MCM4: variants seen among roughly 807,000 people sequenced by gnomAD.
MCM4 encodes DNA replication licensing factor MCM4.
A neutral mutation model predicts 88.7 loss-of-function variants in MCM4; 60 were observed. That is an observed-to-expected ratio of 0.68 (90% CI 0.55 to 0.84). The LOEUF (loss-of-function observed/expected upper bound fraction) is 0.84. Among genes scored for constraint, MCM4 ranks in the 40% least tolerant of loss-of-function variants. MCM4 has a pLI of 0.00. For synonymous variants in MCM4, 465 were observed against 410.5 expected, an observed-to-expected ratio of 1.13 and a Z score of -1.61; for missense variants, 1,149 against 1,105.5, an observed-to-expected ratio of 1.04 and a Z score of -0.56.
In MCM4 at chr8:47,960,973, C is replaced by G; in HGVS notation, c.-56C>G. 1 of 627,838 alleles carries G rather than the reference C, an allele frequency of 1.6e-6. No homozygotes were observed. Among genetic ancestry groups the G allele is most frequent in the Non-Finnish European group, 2.5e-6 (1 of 400,552 alleles). 38.9% of individuals were successfully genotyped at this position (627,838 alleles called of 1,614,324 possible). On this transcript the variant is annotated 5_prime_UTR_variant, in exon 1 of 17. Transcript: ENST00000649973. ...GGGAGCGCTACTCGCCAGGTGGACT[C>G]GGAGTCCGCGAGCGTCGTCGGCAAG...
At chr8:47,971,161 G>T (rs1161409530) in intron 12 of MCM4, among the ~76,000 whole-genome samples, 180 bp from the exon 13 acceptor site, 1 of 152,166 alleles carries the variant, frequency 6.6e-6, no homozygotes, top group African/African-American at 2.4e-5. Context: ...TCAGTCCTTG[G>T]CATGAATCTG....
At chr8:47,968,676 C>G (rs923526662) in intron 10 of MCM4, among the ~76,000 whole-genome samples, 2 of 152,162 alleles carry the variant, frequency 1.3e-5, no homozygotes, top group East Asian at 3.8e-4. Flanking sequence ...TGTGTGTAAA[C>G]TGGTTTGTTG....
rs2091013071 is a variant in MCM4, at chr8:47,977,729, GATT to G, written c.*953_*955del. 1 of 152,086 alleles carries G rather than the reference GATT, an allele frequency of 6.6e-6. No individual in the cohort carries two copies. Among genetic ancestry groups the G allele is most frequent in the African/African-American group, 2.4e-5 (1 of 41,400 alleles). The allele number at this position is 152,086 out of a possible 1,614,324, so 9.4% of individuals were successfully genotyped here. ...CCACCTCAACTTCCGGAAGTGCTGA[GATT>G]ACAGGTGTGAGCCACTGCACCCAGC... On this transcript the variant is annotated 3_prime_UTR_variant, in exon 17 of 17. Coordinates refer to ENST00000649973, the MANE Select transcript of MCM4 (RefSeq NM_182746.3).
intron 3 of MCM4, 178 bp from the exon 4 acceptor site, chr8:47,961,875 G>A: frequency 1.1e-6 from 1 of 900,794 alleles, no homozygotes. Flanking sequence ...AGCAGAGGAA[G>A]CAGCTTCTCT....
intron 2 of MCM4, 36 bp downstream of exon 2, chr8:47,961,250 G>A (rs938925784): frequency 1.4e-6 from 2 of 1,458,856 alleles, no homozygotes; most frequent in South Asian, 2.7e-5. Context: ...ACAGCCCCCG[G>A]CGCCGCCCCG....
intron 14 of MCM4, chr8:47,973,920 G>A (rs1292214641): frequency 6.6e-6 from 1 of 152,206 alleles, no homozygotes; most frequent in Non-Finnish European, 1.5e-5. Flanking sequence ...GTACTTACAA[G>A]CATAGTGAAT....
At position 47,970,827 on chromosome 8, in the gene MCM4, G is replaced by A; in HGVS notation, c.1751G>A (p.Arg584Lys). The change falls in exon 12 of 17, where the codon AGA becomes AAA. Residue 584 changes from arginine (R) to lysine (K), a missense_variant. This residue lies in a region of MCM4 where 906 missense variants were observed against 843.0 expected (regional missense o/e 1.07). Transcript: ENST00000649973. ...DEFDKMNEST[R>K]SVLHEVMEQQ... ...TTCGACAAGATGAATGAAAGTACAA[G>A]ATCGGTATTGCATGAAGTCATGGAA... The A allele has an allele frequency of 6.2e-7, 1 of 1,612,432 alleles. No homozygotes were observed. The highest frequency in any genetic ancestry group is 1.3e-5 in the African/African-American group (1 of 75,004).
At chr8:47,965,189 T>G (rs2090887832) in intron 8 of MCM4, among the ~76,000 whole-genome samples, 1 of 150,510 alleles carries the variant, frequency 6.6e-6, no homozygotes, top group East Asian at 1.9e-4. Flanking sequence ...CACTCCAGCC[T>G]GGGTGACAGA....
At chr8:47,962,500 A>G (rs984874504) in intron 5 of MCM4, 94 bp downstream of exon 5, 4 of 1,289,920 alleles carry the variant, frequency 3.1e-6, no homozygotes, top group Non-Finnish European at 4.4e-6. Flanking sequence ...AATGACTAGA[A>G]GGGCCACCTG....
chr8:47,972,910 G>A lies in MCM4; in HGVS notation c.1982G>A (p.Arg661His), dbSNP rs781710882. The A allele has an allele frequency of 3.1e-5, 50 of 1,614,032 alleles. No individual in the cohort carries two copies. The highest frequency in any genetic ancestry group is 2.7e-4 in the East Asian group (12 of 44,886). The change falls in exon 14 of 17, where the codon CGT becomes CAT. Residue 661 changes from arginine to histidine, a missense_variant. Physicochemically the swap from Arg to His is conservative, Grantham distance 29 (BLOSUM62 0). Around this residue, in one of 3 missense-constraint regions of MCM4, gnomAD observed 906 missense variants for 843.0 expected, o/e 1.07. Transcript: ENST00000649973. ...CCTCAGGACGAAGCCTATGACAGGC[G>A]TCTGGCTCACCACCTGGTCGCACTG... ...LDPQDEAYDR[R>H]LAHHLVALYY... is the part of the protein sequence containing the mutation.
In MCM4 at chr8:47,969,882, A is replaced by G. The variant is rs2090935895; in HGVS notation, c.1259A>G (p.His420Arg). 1.9e-6 allele frequency: 3 copies of G among 1,614,242 alleles called. No individual in the cohort carries two copies. Among genetic ancestry groups the G allele is most frequent in the Admixed American group, 1.7e-5 (1 of 60,032 alleles). Residue 420 changes from histidine to arginine, a missense_variant, in exon 11 of 17, where the codon CAT (histidine) becomes CGT (arginine). Physicochemically the swap from His to Arg is conservative, Grantham distance 29. Around this residue, in one of 3 missense-constraint regions of MCM4, gnomAD observed 906 missense variants for 843.0 expected, o/e 1.07. Coordinates refer to ENST00000649973, the MANE Select transcript of MCM4 (RefSeq NM_182746.3). ...SVYKTHIDVI[H>R]YRKTDAKRLH... ...TACAAAACCCACATTGATGTCATTC[A>G]TTATCGGAAAACGGATGCAAAACGT...
In MCM4 at chr8:47,970,830, C is replaced by T. The variant is rs759056835; in HGVS notation, c.1754C>T (p.Ser585Leu). The T allele has an allele frequency of 3.5e-5, 57 of 1,611,782 alleles. No homozygotes were observed. Among genetic ancestry groups the T allele is most frequent in the Middle Eastern group, 1.6e-4 (1 of 6,082 alleles). Reference protein sequence around the residue: ...EFDKMNESTRSVLHEVMEQQT... With the variant: ...EFDKMNESTRLVLHEVMEQQT... ...GACAAGATGAATGAAAGTACAAGAT[C>T]GGTATTGCATGAAGTCATGGAACAG... is the stretch of plus-strand genomic sequence containing the variant. The change falls in exon 12 of 17, where the codon TCG becomes TTG. Residue 585 changes from serine (S) to leucine (L), a missense_variant. Ser to Leu is a moderately radical substitution (Grantham distance 145, BLOSUM62 -2). This residue lies in a region of MCM4 where 906 missense variants were observed against 843.0 expected (regional missense o/e 1.07). Coordinates refer to ENST00000649973, the MANE Select transcript of MCM4 (RefSeq NM_182746.3).
intron 8 of MCM4, 98 bp downstream of exon 8, chr8:47,964,810 G>C: frequency 9.8e-7 from 1 of 1,023,344 alleles, no homozygotes; most frequent in Non-Finnish European, 1.4e-6. Flanking sequence ...AGTAATTGGC[G>C]GTGGTAGTCA....
At chr8:47,962,601 T>C (rs1399554929) in intron 5 of MCM4, among the ~76,000 whole-genome samples, 163 bp from the exon 6 acceptor site, 1 of 152,106 alleles carries the variant, frequency 6.6e-6, no homozygotes, top group African/African-American at 2.4e-5. Context: ...CTGACCAATA[T>C]AGTGAGACTC....
chr8:47,972,978 A>G lies in MCM4; in HGVS notation c.2050A>G (p.Met684Val), dbSNP rs765432934. Residue 684 changes from methionine to valine, a missense_variant, in exon 14 of 17, where the codon ATG becomes GTG. Coordinates refer to ENST00000649973, the MANE Select transcript of MCM4 (RefSeq NM_182746.3). ...EEQAEEELLD[M>V]AVLKDYIAYA... ...GCAGGCAGAGGAGGAGCTCCTGGAC[A>G]TGGCGGTGCTAAAGGACTACATTGC... The G allele has an allele frequency of 7.4e-6, 12 of 1,614,038 alleles. No homozygotes were observed. Among genetic ancestry groups the G allele is most frequent in the East Asian group, 4.5e-5 (2 of 44,886 alleles).
At chr8:47,976,127 T>A (rs1036671466) in intron 16 of MCM4, among the ~76,000 whole-genome samples, 1 of 152,002 alleles carries the variant, frequency 6.6e-6, no homozygotes, top group Non-Finnish European at 1.5e-5. Flanking sequence ...ACCCTGTCTC[T>A]ATTAAAAATA....
rs1274038706 is a variant in MCM4 at position 47,967,337 on chromosome 8, C to A, written c.1054-28C>A. On this transcript the variant is annotated intron_variant, in intron 9 of 16. Coordinates refer to ENST00000649973, the MANE Select transcript of MCM4 (RefSeq NM_182746.3). The stretch of plus-strand genomic sequence containing the variant: ...GTCCCCCTGCCCTCTCTTTGTGGCC[C>A]ACATGTTCTCTGTTTGCTGACCTTC... 7 of 1,613,456 alleles carry A rather than the reference C, an allele frequency of 4.3e-6. No individual in the cohort carries two copies. The Admixed American group carries it at 8.3e-5, about 19-fold the overall frequency.
At position 47,967,494 on chromosome 8, in the gene MCM4, G is replaced by C. The variant is rs2154505201; in HGVS notation, c.1174+9G>C. ...CAGAGTGAATGTTACAGGTAAGAGT[G>C]TAGGTTTGCACCAGCACTTGAGCAT... On this transcript the variant is annotated intron_variant, in intron 10 of 16. Transcript: ENST00000649973. 1 of 1,614,104 alleles carries C rather than the reference G, an allele frequency of 6.2e-7. No homozygotes were observed. The highest frequency in any genetic ancestry group is 8.5e-7 in the Non-Finnish European group (1 of 1,179,954).
rs1226658860 is a variant in MCM4 at position 47,961,592 on chromosome 8, G to A, written c.147G>A (p.Gln49=). The A allele has an allele frequency of 6.2e-7, 1 of 1,614,192 alleles. No individual in the cohort carries two copies. The highest frequency in any genetic ancestry group is 8.5e-7 in the Non-Finnish European group (1 of 1,180,038). ...GEDSTSTGEL[Q]PMPTSPGVDL... ...ATTCCACCTCCACGGGGGAGTTGCA[G>A]CCGATGCCAACCTCGCCTGGAGTGG... is the stretch of plus-strand genomic sequence containing the variant. Residue 49 remains glutamine (Q), a synonymous_variant, in exon 3 of 17, where the codon CAG becomes CAA. Transcript: ENST00000649973.
Sources: gnomAD v4.1 joint callset for allele counts (sites outside exome capture counted in the v4.1 genomes callset) on GRCh38, gnomAD v4.1.1 for gene constraint, gnomAD v4.1.1 regional missense constraint, MANE v1.5 for transcripts, NCBI Gene and HGNC (gene_info 2026-07-23, HGNC 2026-07-21) for gene names.